The following SLC12A2 variants were observed in gnomAD, a reference collection of about 807,000 sequenced individuals.
The protein encoded by SLC12A2 is Na-K-2Cl cotransporter 1.
Under a neutral mutation model 136.3 loss-of-function variants are expected in SLC12A2, and 67 were observed. That is an observed-to-expected ratio of 0.49 (90% confidence interval 0.40 to 0.60). The LOEUF is 0.60. Among genes scored for constraint, SLC12A2 ranks in the 20% least tolerant of loss-of-function variants. The pLI is 0.00. For synonymous variants in SLC12A2, 619 were observed against 562.9 expected, an observed-to-expected ratio of 1.10 and a Z score of -1.41; for missense variants, 1,322 against 1,534.7, an observed-to-expected ratio of 0.86 and a Z score of 2.32.
chr5:128,096,182 C>A (rs1375000923), intron 1 of SLC12A2, among the ~76,000 whole-genome samples: 1 of 151,810 alleles, frequency 6.6e-6, no homozygotes, highest in East Asian at 1.9e-4. Context: ...GGTATTAATA[C>A]CTAATTATTT....
chr5:128,167,367 G>A (rs1228498850), intron 17 of SLC12A2, among the ~76,000 whole-genome samples: 1 of 152,082 alleles, frequency 6.6e-6, no homozygotes, highest in African/African-American at 2.4e-5. Context: ...ATTCAGAACT[G>A]CATTCATTTG....
At chr5:128,140,756 A>G (rs1762339217) in intron 9 of SLC12A2, among the ~76,000 whole-genome samples, 1 of 151,902 alleles carries the variant, frequency 6.6e-6, no homozygotes, top group Admixed American at 6.6e-5. Context: ...ATGAAAGTAT[A>G]GTTACTTTAG....
intron 4 of SLC12A2, among the ~76,000 whole-genome samples, chr5:128,125,113 G>C (rs1475090397): frequency 6.6e-6 from 1 of 152,104 alleles, no homozygotes; most frequent in Admixed American, 6.5e-5. Context: ...TTGTGATCGG[G>C]CTTTATTTTT....
intron 14 of SLC12A2, among the ~76,000 whole-genome samples, chr5:128,151,791 C>T (rs192179861): frequency 1.6e-3 from 251 of 152,170 alleles, no homozygotes; most frequent in African/African-American, 5.6e-3. Context: ...ATACATATAA[C>T]CTACTGTGGT....
At chr5:128,121,011 G>T (rs1761554261) in intron 4 of SLC12A2, among the ~76,000 whole-genome samples, 1 of 152,058 alleles carries the variant, frequency 6.6e-6, no homozygotes, top group Non-Finnish European at 1.5e-5. Flanking sequence ...TGTGTTTGCA[G>T]CTTTGCGGAA....
chr5:128,140,764 T>G (rs2126710945), intron 9 of SLC12A2, among the ~76,000 whole-genome samples: 1 of 152,044 alleles, frequency 6.6e-6, no homozygotes, highest in East Asian at 1.9e-4. Context: ...ATAGTTACTT[T>G]AGGGCTGGGG....
At chr5:128,163,678 G>A (rs551745969) in intron 17 of SLC12A2, among the ~76,000 whole-genome samples, 5 of 152,208 alleles carry the variant, frequency 3.3e-5, no homozygotes, top group South Asian at 2.1e-4. Context: ...TATCAACATG[G>A]ATACACCTCA....
In SLC12A2 at chr5:128,084,811, G is replaced by A; in HGVS notation, c.756+101G>A. The stretch of plus-strand genomic sequence containing the variant: ...CCGAGTTGAGGTGGCGGGAGTAGTA[G>A]ACGTGCACGACTTGCTGGCATCTCT... On this transcript the variant is annotated intron_variant, in intron 1 of 26. Transcript: ENST00000262461. The surrounding 1 kb of genome is among the most constrained non-coding windows in gnomAD (Gnocchi z 5.6). The A allele has an allele frequency of 7.1e-6, 9 of 1,264,652 alleles. No individual in the cohort carries two copies. The highest frequency in any genetic ancestry group is 9.6e-6 in the Non-Finnish European group (9 of 938,864). The allele number at this position is 1,264,652 out of a possible 1,614,324, so 78.3% of individuals were successfully genotyped here.
At chr5:128,097,491 T>C (rs1760587202) in intron 1 of SLC12A2, among the ~76,000 whole-genome samples, 1 of 152,072 alleles carries the variant, frequency 6.6e-6, no homozygotes, top group Non-Finnish European at 1.5e-5. Flanking sequence ...CCTGACATTG[T>C]GTTGTTTTCT....
intron 26 of SLC12A2, among the ~76,000 whole-genome samples, chr5:128,186,293 T>C (rs1268142393): frequency 1.3e-5 from 2 of 152,200 alleles, no homozygotes; most frequent in Non-Finnish European, 2.9e-5. Context: ...CAGTAAGTTC[T>C]GAGAAATGCG....
chr5:128,092,572 GTATTT>G lies in SLC12A2; in HGVS notation c.756+7868_756+7872del, dbSNP rs1374264231. Among the ~76,000 whole-genome samples, 21 of 152,170 alleles carry G rather than the reference GTATTT, an allele frequency of 1.4e-4. No homozygotes were observed. The South Asian group carries it at 1.5e-3, about 11-fold the overall frequency. ...AGGCAAAATTAATTTATAATATACC[GTATTT>G]TATTTGACACTGTGTCTAAAACATT... On this transcript the variant is annotated intron_variant, in intron 1 of 26. Coordinates refer to ENST00000262461, the MANE Select transcript of SLC12A2 (RefSeq NM_001046.3).
chr5:128,181,435 GCTCT>G (rs1404617148), intron 23 of SLC12A2, among the ~76,000 whole-genome samples: 2 of 152,014 alleles, frequency 1.3e-5, no homozygotes, highest in Non-Finnish European at 2.9e-5. Context: ...TTTCTCTCCT[GCTCT>G]CTAAGTACTC....
At chr5:128,086,289 A>C (rs537067635) in intron 1 of SLC12A2, among the ~76,000 whole-genome samples, 1 of 152,176 alleles carries the variant, frequency 6.6e-6, no homozygotes, top group African/African-American at 2.4e-5. Flanking sequence ...AAGTTCTCCA[A>C]AACTTTAGAT....
Position 128,171,716 on chromosome 5 carries a change from G to T in SLC12A2, c.2773G>T (p.Gly925Cys). Residue 925 changes from glycine to cysteine, a missense_variant, in exon 19 of 27, where the codon GGT becomes TGT. This residue lies in a region of SLC12A2 where 226 missense variants were observed against 210.4 expected (regional missense o/e 1.07). Coordinates refer to ENST00000262461, the MANE Select transcript of SLC12A2 (RefSeq NM_001046.3). ...YGVVVIRLKE[G>C]LDISHLQGQE... ...AGTAGTGGTTATTCGCCTAAAAGAAGGTCTGGATATATCTCATCTTCAAGG... is the reference window on the plus strand; with the variant it reads ...AGTAGTGGTTATTCGCCTAAAAGAATGTCTGGATATATCTCATCTTCAAGG... 1 of 1,588,064 alleles carries T rather than the reference G, an allele frequency of 6.3e-7. No individual in the cohort carries two copies.
chr5:128,178,553 G>T lies in SLC12A2; in HGVS notation c.2978-14G>T. 2.6e-6 allele frequency: 4 copies of T among 1,540,038 alleles called. No individual in the cohort carries two copies. The highest frequency in any genetic ancestry group is 3.5e-6 in the Non-Finnish European group (4 of 1,148,500). The stretch of plus-strand genomic sequence containing the variant: ...TTACTTTGCTTACATTTTATATTTT[G>T]CTTAATCCTTTAGAATCCAAAGGCC... On this transcript the variant is annotated splice_polypyrimidine_tract_variant and intron_variant, in intron 21 of 26. Coordinates refer to ENST00000262461, the MANE Select transcript of SLC12A2 (RefSeq NM_001046.3).
chr5:128,185,907 A>G (rs1763851106), intron 26 of SLC12A2, among the ~76,000 whole-genome samples: 1 of 152,084 alleles, frequency 6.6e-6, no homozygotes, highest in Non-Finnish European at 1.5e-5. Context: ...GTGGTACCAT[A>G]AGATTATAAT....
chr5:128,126,970 T>TATATATATATATATAA (rs1761832390), intron 4 of SLC12A2, among the ~76,000 whole-genome samples: 1 of 94,170 alleles, frequency 1.1e-5, no homozygotes, highest in African/African-American at 6.6e-5. Context: ...ATATATATTT[T>TATATATATATATATAA]TTTTTTTTTT....
rs766208323 is a variant in SLC12A2 at position 128,180,994 on chromosome 5, C to G, written c.3212C>G (p.Ala1071Gly). Reference sequence around the variant, plus strand: ...AACAGAATAGACCATGACCGGAGAGCGTAAGTTTATTTCACATTGAAGGGC... The same window carrying G: ...AACAGAATAGACCATGACCGGAGAGGGTAAGTTTATTTCACATTGAAGGGC... ...KINRIDHDRRAMATLLSKFRI... is the reference protein window; with the variant it reads ...KINRIDHDRRGMATLLSKFRI... Residue 1071 changes from alanine to glycine, a missense_variant and splice_region_variant, in exon 23 of 27, where the codon GCG (alanine) becomes GGG (glycine). This residue lies in a region of SLC12A2 where 172 missense variants were observed against 227.4 expected (regional missense o/e 0.76). Coordinates refer to ENST00000262461, the MANE Select transcript of SLC12A2 (RefSeq NM_001046.3). The G allele has an allele frequency of 1.9e-6, 3 of 1,550,130 alleles. No homozygotes were observed. The South Asian group carries it at 3.4e-5, about 17-fold the overall frequency.
At position 128,147,772 on chromosome 5, in the gene SLC12A2, A is replaced by G. The variant is rs752932081; in HGVS notation, c.1881+43A>G. 6.9e-6 allele frequency: 8 copies of G among 1,151,356 alleles called. No homozygotes were observed. In the Middle Eastern group the frequency reaches 6.0e-4, roughly 86 times the overall value. 71.3% of individuals were successfully genotyped at this position (1,151,356 alleles called of 1,614,324 possible). A position where few individuals can be genotyped will look rare whatever the true frequency, so the allele number is the denominator to read the frequency against. On this transcript the variant is annotated intron_variant, in intron 11 of 26. Transcript: ENST00000262461. ...ACAGGCTTTATTAAAGGGAGAGTTA[A>G]AGTAATACTTCTCAATTTAGAATTG...
Sources: gnomAD v4.1 joint callset for allele counts (sites outside exome capture counted in the v4.1 genomes callset) on GRCh38, gnomAD v4.1.1 for gene constraint, gnomAD v4.1.1 regional missense constraint, Gnocchi (gnomAD v3.1) non-coding constraint, MANE v1.5 for transcripts, NCBI Gene and HGNC (gene_info 2026-07-23, HGNC 2026-07-21) for gene names.